Variants in CCSER1 observed in about 807,000 individuals in gnomAD.
CCSER1 encodes the protein serine-rich coiled-coil domain-containing protein 1.
Under a neutral mutation model 82.0 loss-of-function variants are expected in CCSER1, and 41 were observed. The observed-to-expected ratio is 0.50, with a 90% confidence interval of 0.39 to 0.65. The LOEUF (loss-of-function observed/expected upper bound fraction) is 0.65. CCSER1 is among the 30% of genes least tolerant of loss of function. The pLI is 0.00. For missense variants in CCSER1, 1,119 were observed against 1,064.2 expected, an observed-to-expected ratio of 1.05 and a Z score of -0.72; for synonymous variants, 414 against 383.9, an observed-to-expected ratio of 1.08 and a Z score of -0.92.
intron 6 of CCSER1, among the ~76,000 whole-genome samples, chr4:90,656,494 G>A (rs12506481): frequency 0.51 from 77,672 of 151,278 alleles, 20,172 homozygotes; most frequent in Middle Eastern, 0.67. Context: ...TAGTATTTGT[G>A]CGATATCTAT....
chr4:90,907,923 A>G (rs370065856), intron 8 of CCSER1, among the ~76,000 whole-genome samples: 5 of 152,260 alleles, frequency 3.3e-5, no homozygotes, highest in African/African-American at 1.2e-4. Context: ...TGTGTCTGCA[A>G]ATGTCAAGTT....
intron 5 of CCSER1, among the ~76,000 whole-genome samples, chr4:90,494,692 G>A (rs17017057): frequency 0.043 from 6,483 of 152,156 alleles, 401 homozygotes; most frequent in African/African-American, 0.14. Flanking sequence ...GGTATAGTTG[G>A]TGCTCAGTAA....
chr4:91,595,943 T>TAAAAAAAAAAA (rs1170927227), intron 10 of CCSER1, among the ~76,000 whole-genome samples: 1 of 78,888 alleles, frequency 1.3e-5, no homozygotes, highest in Non-Finnish European at 2.3e-5. Flanking sequence ...ACAGAGAACT[T>TAAAAAAAAAAA]AAAAAAAAAA....
chr4:90,839,893 A>G (rs571190445), intron 8 of CCSER1, among the ~76,000 whole-genome samples: 9 of 152,312 alleles, frequency 5.9e-5, no homozygotes, highest in African/African-American at 1.9e-4. Context: ...CATGAATTGT[A>G]TATTTATTCT....
intron 8 of CCSER1, among the ~76,000 whole-genome samples, chr4:90,865,375 G>C (rs1449313157): frequency 6.6e-6 from 1 of 151,952 alleles, no homozygotes; most frequent in Non-Finnish European, 1.5e-5. Context: ...TGTTTAGTCA[G>C]AGGTGACCTT....
chr4:90,474,858 A>T (rs550013547), intron 5 of CCSER1, among the ~76,000 whole-genome samples: 1 of 152,310 alleles, frequency 6.6e-6, no homozygotes, highest in East Asian at 1.9e-4. Context: ...CTTATAATAC[A>T]TTACTAAGTA....
At chr4:90,189,274 A>G (rs1735186430) in intron 1 of CCSER1, among the ~76,000 whole-genome samples, 1 of 151,964 alleles carries the variant, frequency 6.6e-6, no homozygotes, top group Admixed American at 6.6e-5. Flanking sequence ...CTCTGAGTCT[A>G]TTACAAGTAC....
chr4:90,498,063 C>T (rs1293618897), intron 5 of CCSER1, among the ~76,000 whole-genome samples: 1 of 151,910 alleles, frequency 6.6e-6, no homozygotes, highest in African/African-American at 2.4e-5. Flanking sequence ...GTAATCCCCA[C>T]TTATCCATGG....
rs542427435 is a variant in CCSER1 at position 91,011,986 on chromosome 4, T to C, written c.2173-73964T>C. 3.7e-5 allele frequency among the ~76,000 whole-genome samples: 5 copies of C among 134,848 alleles called. 1 individual carries two copies. The highest frequency in any genetic ancestry group is 8.6e-5 in the Non-Finnish European group (5 of 57,810). 88.5% of individuals were successfully genotyped at this position (134,848 alleles called of 152,430 possible). ...ATACAGCTCCAGGGAAGCTAAGTAC[T>C]AGAATTGTTTGACCTTTTGGGTAAG... is the stretch of plus-strand genomic sequence containing the variant. On this transcript the variant is annotated intron_variant, in intron 9 of 10. Transcript: ENST00000509176.
intron 3 of CCSER1, among the ~76,000 whole-genome samples, chr4:90,339,423 T>C (rs1041564351): frequency 1.3e-5 from 2 of 152,212 alleles, no homozygotes; most frequent in Non-Finnish European, 2.9e-5. Flanking sequence ...AATTAAATTA[T>C]GTTATGTCTG....
chr4:90,924,592 A>G (rs534368669), intron 9 of CCSER1, among the ~76,000 whole-genome samples: 1 of 152,304 alleles, frequency 6.6e-6, no homozygotes, highest in South Asian at 2.1e-4. Flanking sequence ...TATGTTACTT[A>G]AATTATGTTG....
intron 10 of CCSER1, among the ~76,000 whole-genome samples, chr4:91,537,270 A>C (rs887175383): frequency 1.3e-5 from 2 of 152,100 alleles, no homozygotes; most frequent in African/African-American, 4.8e-5. Context: ...GTGAGATTTA[A>C]ACCAAGGCAG....
At chr4:90,795,877 T>C (rs1453471218) in intron 7 of CCSER1, among the ~76,000 whole-genome samples, 1 of 152,224 alleles carries the variant, frequency 6.6e-6, no homozygotes, top group Non-Finnish European at 1.5e-5. Context: ...CATTTTGATG[T>C]GCTGCTGGAT....
At chr4:90,992,950 G>T (rs779334034) in intron 9 of CCSER1, among the ~76,000 whole-genome samples, 1 of 151,894 alleles carries the variant, frequency 6.6e-6, no homozygotes, top group African/African-American at 2.4e-5. Context: ...AAGGAATGGG[G>T]CTCACACACC....
At chr4:90,485,332 C>T (rs897459626) in intron 5 of CCSER1, among the ~76,000 whole-genome samples, 6 of 152,140 alleles carry the variant, frequency 3.9e-5, no homozygotes, top group African/African-American at 9.7e-5. Context: ...CCAGGTGAGT[C>T]GATGCCTCGC....
chr4:90,818,570 C>G (rs2149778173), intron 8 of CCSER1, among the ~76,000 whole-genome samples: 1 of 152,330 alleles, frequency 6.6e-6, no homozygotes, highest in East Asian at 1.9e-4. Flanking sequence ...AGCCACCACT[C>G]TGGGCCATAA....
intron 9 of CCSER1, among the ~76,000 whole-genome samples, chr4:90,949,740 A>G (rs1399335283): frequency 6.6e-6 from 1 of 151,850 alleles, no homozygotes; most frequent in African/African-American, 2.4e-5. Context: ...AACCTATGGC[A>G]TTTACATCTC....
intron 5 of CCSER1, among the ~76,000 whole-genome samples, chr4:90,627,186 G>C (rs1723449871): frequency 6.6e-6 from 1 of 152,012 alleles, no homozygotes; most frequent in Non-Finnish European, 1.5e-5. Context: ...GTGAAGATAA[G>C]TAAACAGTTG....
At chr4:90,391,504 A>AAT (rs70963065) in intron 3 of CCSER1, among the ~76,000 whole-genome samples, 14,864 of 79,150 alleles carry the variant, frequency 0.19, 1,529 homozygotes, top group East Asian at 0.24. Flanking sequence ...ACAGTGGGTA[A>AAT]ATATATATAT....
Sources: allele counts gnomAD v4.1 joint callset (sites outside exome capture counted in the v4.1 genomes callset), GRCh38; gene constraint gnomAD v4.1.1; transcripts MANE v1.5; gene names NCBI Gene and HGNC (gene_info 2026-07-23, HGNC 2026-07-21).